The following GSE1 variants were observed in gnomAD, a reference collection of about 807,000 sequenced individuals.
GSE1 encodes Gse1 coiled-coil protein, also known as genetic suppressor element 1.
GSE1 carries 32 observed loss-of-function variants against 112.6 expected under a neutral mutation model. The observed-to-expected ratio is 0.28, with a 90% CI of 0.21 to 0.38. The LOEUF (loss-of-function observed/expected upper bound fraction) is 0.38. Among genes scored for constraint, GSE1 ranks in the 10% least tolerant of loss-of-function variants. GSE1 has a pLI of 1.00. For synonymous variants in GSE1, 1,115 were observed against 735.6 expected (o/e 1.52, Z -8.35); for missense variants, 2,348 against 1,699.2 (o/e 1.38, Z -6.71).
chr16:85,183,738 G>T (rs2074643406), intron 1 of GSE1, among the ~76,000 whole-genome samples: 1 of 152,226 alleles, frequency 6.6e-6, no homozygotes, highest in Non-Finnish European at 1.5e-5. Context: ...CCTCAGAGGT[G>T]ATTATCCCCA....
chr16:85,433,924 C>T (rs988140169), intron 2 of GSE1, among the ~76,000 whole-genome samples: 2 of 152,086 alleles, frequency 1.3e-5, no homozygotes, highest in Non-Finnish European at 2.9e-5. Context: ...ATGGAAATCT[C>T]TGGCTCTGGG....
chr16:85,450,383 A>T (rs1210552140), intron 2 of GSE1, among the ~76,000 whole-genome samples: 1 of 150,766 alleles, frequency 6.6e-6, no homozygotes, highest in Non-Finnish European at 1.5e-5. Flanking sequence ...CTCCCAAAGT[A>T]CAGGGATTAT....
At chr16:85,604,018 A>G (rs1462419424) in intron 1 of GSE1, among the ~76,000 whole-genome samples, 1 of 152,186 alleles carries the variant, frequency 6.6e-6, no homozygotes, top group Non-Finnish European at 1.5e-5. Flanking sequence ...CATGGTGCTC[A>G]CATCTGCTCA....
intron 2 of GSE1, among the ~76,000 whole-genome samples, chr16:85,549,012 C>T (rs1048708253): frequency 2.0e-5 from 3 of 152,104 alleles, no homozygotes; most frequent in Non-Finnish European, 4.4e-5. Context: ...TGGTCTTGAT[C>T]TCTTGACCTC....
intron 2 of GSE1, among the ~76,000 whole-genome samples, chr16:85,443,295 G>A (rs775629365): frequency 2.6e-5 from 4 of 152,152 alleles, no homozygotes; most frequent in Non-Finnish European, 5.9e-5. Context: ...CATCTCGCCC[G>A]TTTCTCCCTT....
At chr16:85,211,340 T>C (rs540150935) in intron 1 of GSE1, among the ~76,000 whole-genome samples, 1 of 151,956 alleles carries the variant, frequency 6.6e-6, no homozygotes, top group African/African-American at 2.4e-5. Flanking sequence ...AATGTCTTTC[T>C]TGCTAAGCAC....
At chr16:85,370,248 G>A (rs1054150061) in intron 2 of GSE1, among the ~76,000 whole-genome samples, 2 of 152,158 alleles carry the variant, frequency 1.3e-5, no homozygotes, top group African/African-American at 4.8e-5. Flanking sequence ...GACCCAGCCA[G>A]GCTCTGCCCC....
At chr16:85,432,842 G>A (rs186057285) in intron 2 of GSE1, among the ~76,000 whole-genome samples, 4 of 152,168 alleles carry the variant, frequency 2.6e-5, no homozygotes, top group Non-Finnish European at 4.4e-5. Flanking sequence ...TTTGAACCTC[G>A]GTCTGTCTGG....
chr16:85,390,692 G>A (rs1416642426), intron 2 of GSE1, among the ~76,000 whole-genome samples: 1 of 15,438 alleles, frequency 6.5e-5, no homozygotes, highest in East Asian at 1.6e-3. Context: ...CCCCCCCACC[G>A]CCTTGTTCTG....
At chr16:85,493,869 C>T (rs1416466659) in intron 2 of GSE1, among the ~76,000 whole-genome samples, 2 of 150,818 alleles carry the variant, frequency 1.3e-5, no homozygotes, top group Non-Finnish European at 2.9e-5. Flanking sequence ...CGCTTGAGCT[C>T]AGGAGTTCAA....
intron 1 of GSE1, among the ~76,000 whole-genome samples, chr16:85,264,288 C>T (rs74031749): frequency 1.0e-3 from 153 of 152,132 alleles, no homozygotes; most frequent in African/African-American, 3.6e-3. Context: ...TGTCCCACAT[C>T]CCTAGCTTAA....
intron 2 of GSE1, among the ~76,000 whole-genome samples, chr16:85,395,797 C>T: frequency 7.1e-6 from 1 of 140,542 alleles, no homozygotes; most frequent in South Asian, 2.6e-4. Context: ...CTCCTGGGCG[C>T]CCGCCCACCC....
At chr16:85,361,472 C>A (rs562702011) in intron 2 of GSE1, among the ~76,000 whole-genome samples, 1 of 152,328 alleles carries the variant, frequency 6.6e-6, no homozygotes, top group African/African-American at 2.4e-5. Context: ...TTCCAGGCCA[C>A]GGCCTCAGGG....
At chr16:85,454,117 T>C (rs1271674563) in intron 2 of GSE1, among the ~76,000 whole-genome samples, 1 of 152,182 alleles carries the variant, frequency 6.6e-6, no homozygotes, top group Non-Finnish European at 1.5e-5. Context: ...AACCAAGGCC[T>C]GGTGGTAACC....
intron 1 of GSE1, among the ~76,000 whole-genome samples, chr16:85,189,963 T>C (rs913266505): frequency 6.6e-6 from 1 of 152,252 alleles, no homozygotes; most frequent in Non-Finnish European, 1.5e-5. Context: ...TTTACCTCTT[T>C]AAAGTTTTTG....
At chr16:85,624,192 G>T (rs2048920760) in intron 1 of GSE1, among the ~76,000 whole-genome samples, 3 of 152,204 alleles carry the variant, frequency 2.0e-5, no homozygotes, top group Non-Finnish European at 4.4e-5. Flanking sequence ...TGGGGTGGGG[G>T]AGCCAGGTTG....
intron 1 of GSE1, among the ~76,000 whole-genome samples, chr16:85,314,434 C>T (rs147352433): frequency 1.8e-3 from 270 of 152,260 alleles, no homozygotes; most frequent in African/African-American, 6.4e-3. Context: ...GGCTGTGGGA[C>T]AGATGAAGGG....
chr16:85,307,608 G>GCA (rs200347591), intron 1 of GSE1, among the ~76,000 whole-genome samples: 54 of 38,442 alleles, frequency 1.4e-3, no homozygotes, highest in Admixed American at 8.3e-3. Context: ...GCGTGTGATG[G>GCA]CACACAGCAT....
At chr16:85,334,385 C>T (rs2046438987) in intron 1 of GSE1, among the ~76,000 whole-genome samples, 1 of 152,232 alleles carries the variant, frequency 6.6e-6, no homozygotes, top group African/African-American at 2.4e-5. Flanking sequence ...GGGAGCTGCG[C>T]TGGGGTTGCT....
Sources: gnomAD v4.1 joint callset for allele counts (sites outside exome capture counted in the v4.1 genomes callset) on GRCh38, gnomAD v4.1.1 for gene constraint, MANE v1.5 for transcripts, NCBI Gene and HGNC (gene_info 2026-07-23, HGNC 2026-07-21) for gene names.